RNF43: variants seen among roughly 807,000 people sequenced by gnomAD.
RNF43 encodes the protein ring finger protein 43.
RNF43 carries 37 observed loss-of-function variants against 78.4 expected under a neutral mutation model. The observed-to-expected ratio is 0.47, with a 90% CI of 0.36 to 0.62. The LOEUF (loss-of-function observed/expected upper bound fraction) is 0.62. RNF43 is among the 20% of genes least tolerant of loss of function. The pLI, the probability that RNF43 is intolerant of heterozygous loss-of-function variation, is 0.00. For missense variants in RNF43, 774 were observed against 1,007.9 expected (o/e 0.77, Z 3.14); for synonymous variants, 347 against 395.0 (o/e 0.88, Z 1.44).
chr17:58,387,054 T>C (rs937848478), intron 2 of RNF43, among the ~76,000 whole-genome samples: 1 of 152,216 alleles, frequency 6.6e-6, no homozygotes, highest in African/African-American at 2.4e-5. Flanking sequence ...GCTAAATTAA[T>C]GTTGAAAACG....
rs571370129 is a variant in RNF43, at chr17:58,406,081, G to A, written c.252+9245C>T. Among the ~76,000 whole-genome samples the A allele has an allele frequency of 3.5e-4, 54 of 152,218 alleles. 1 individual carries two copies. The highest frequency in any genetic ancestry group is 6.9e-4 in the Non-Finnish European group (47 of 68,044). On this transcript the variant is annotated intron_variant, in intron 2 of 9. Transcript: ENST00000407977. The stretch of plus-strand genomic sequence containing the variant: ...CCACCTGATGTGCAGTGATTCTGTG[G>A]CAGAATAAATGACACATGCACCACG...
At chr17:58,369,476 G>A (rs1297127671) in intron 3 of RNF43, among the ~76,000 whole-genome samples, 1 of 152,218 alleles carries the variant, frequency 6.6e-6, no homozygotes, top group Non-Finnish European at 1.5e-5. Context: ...ATATCCACAA[G>A]GGATCTGGGC....
At chr17:58,377,044 CCTTAA>C (rs5821226) in intron 2 of RNF43, among the ~76,000 whole-genome samples, 58,315 of 151,556 alleles carry the variant, frequency 0.38, 11,621 homozygotes, top group East Asian at 0.59. Context: ...CCTGTGTCCT[CCTTAA>C]CTTATTTGTT....
intron 2 of RNF43, among the ~76,000 whole-genome samples, chr17:58,393,105 A>C (rs1973594391): frequency 6.6e-6 from 1 of 152,236 alleles, no homozygotes; most frequent in Non-Finnish European, 1.5e-5. Flanking sequence ...TCACTTAATG[A>C]ATAGTAAATA....
chr17:58,362,965 T>C (rs1183315245), intron 5 of RNF43, among the ~76,000 whole-genome samples: 1 of 152,166 alleles, frequency 6.6e-6, no homozygotes, highest in African/African-American at 2.4e-5. Context: ...TCTTGGCCAG[T>C]AGAGAAGCCC....
rs756922792 is a variant in RNF43 at position 58,357,690 on chromosome 17, C to T, written c.2086G>A (p.Ala696Thr). The part of the protein sequence containing the change: ...PSVAYPWSPE[A>T]HPLICGPPGL... ...GGAGGTCCACAGATCAAGGGGTGTG[C>T]CTCTGGGGACCAAGGATATGCCACA... Residue 696 changes from alanine (A) to threonine (T), a missense_variant, in exon 9 of 10, where the codon GCA (alanine) becomes ACA (threonine). Transcript: ENST00000407977. The surrounding 1 kb of genome is among the most constrained non-coding windows in gnomAD (Gnocchi z 4.5). 4 of 1,611,510 alleles carry T rather than the reference C, an allele frequency of 2.5e-6. No homozygotes were observed. Among genetic ancestry groups the T allele is most frequent in the Non-Finnish European group, 3.4e-6 (4 of 1,178,668 alleles).
chr17:58,377,819 G>A (rs1478469222), intron 2 of RNF43, among the ~76,000 whole-genome samples: 1 of 151,962 alleles, frequency 6.6e-6, no homozygotes, highest in Admixed American at 6.6e-5. Flanking sequence ...CAAGAACATT[G>A]GCCAGGCATC....
intron 9 of RNF43, among the ~76,000 whole-genome samples, chr17:58,356,639 G>A (rs1972689188): frequency 6.6e-6 from 1 of 152,150 alleles, no homozygotes; most frequent in African/African-American, 2.4e-5. Flanking sequence ...CCACAGGGCT[G>A]CTGGGAACCA....
At chr17:58,381,626 A>G (rs1270969025) in intron 2 of RNF43, among the ~76,000 whole-genome samples, 1 of 152,208 alleles carries the variant, frequency 6.6e-6, no homozygotes, top group African/African-American at 2.4e-5. Flanking sequence ...TGGTGCCTGT[A>G]TATCTCAGCA....
chr17:58,365,020 C>T (rs1047129370), intron 3 of RNF43, among the ~76,000 whole-genome samples: 2 of 152,194 alleles, frequency 1.3e-5, no homozygotes, highest in African/African-American at 4.8e-5. Flanking sequence ...TTTCCTTCCT[C>T]CCCCAGGAGC....
chr17:58,358,832 A>G lies in RNF43; in HGVS notation c.953-9T>C. 3 of 1,483,214 alleles carry G rather than the reference A, an allele frequency of 2.0e-6. No individual in the cohort carries two copies. Among genetic ancestry groups the G allele is most frequent in the Non-Finnish European group, 2.7e-6 (3 of 1,120,798 alleles). 91.9% of individuals were successfully genotyped at this position (1,483,214 alleles called of 1,614,324 possible). On this transcript the variant is annotated splice_polypyrimidine_tract_variant and intron_variant, in intron 8 of 9. Transcript: ENST00000407977. This position sits in a 1 kb window ranked among gnomAD's most constrained non-coding sequence, Gnocchi z 6.2. ...GGAAAATGAATCTCCCTCTGGAAAA[A>G]AGAACCAAGAGCACAGATGTTTAAC...
At chr17:58,408,361 C>A (rs1973956375) in intron 2 of RNF43, among the ~76,000 whole-genome samples, 1 of 152,118 alleles carries the variant, frequency 6.6e-6, no homozygotes, top group Non-Finnish European at 1.5e-5. Flanking sequence ...CTGTGGCACA[C>A]ACAAACAAGA....
chr17:58,367,938 A>C (rs1207558201), intron 3 of RNF43, among the ~76,000 whole-genome samples: 1 of 152,212 alleles, frequency 6.6e-6, no homozygotes, highest in Non-Finnish European at 1.5e-5. Flanking sequence ...TTCCATCTGT[A>C]CTGTCTCATT....
At chr17:58,409,135 T>G (rs1181778595) in intron 2 of RNF43, among the ~76,000 whole-genome samples, 1 of 152,228 alleles carries the variant, frequency 6.6e-6, no homozygotes, top group African/African-American at 2.4e-5. Flanking sequence ...TACTCTCCTA[T>G]CTCCTGCAAA....
chr17:58,416,061 T>C (rs1227856383), intron 1 of RNF43, 99 bp from the exon 2 acceptor site: 2 of 186,548 alleles, frequency 1.1e-5, no homozygotes, highest in African/African-American at 2.4e-5. Context: ...AAGGAAGGGA[T>C]GGCCCTTTTT....
chr17:58,391,335 T>C (rs1462943887), intron 2 of RNF43, among the ~76,000 whole-genome samples: 1 of 152,162 alleles, frequency 6.6e-6, no homozygotes, highest in Non-Finnish European at 1.5e-5. Flanking sequence ...ACTACCCCCA[T>C]TCCACACCGC....
chr17:58,388,060 T>G (rs1973474170), intron 2 of RNF43, among the ~76,000 whole-genome samples: 2 of 152,082 alleles, frequency 1.3e-5, no homozygotes, highest in Admixed American at 6.5e-5. Flanking sequence ...TTTCCTTTGC[T>G]TCTTCTTAAT....
intron 2 of RNF43, among the ~76,000 whole-genome samples, chr17:58,404,290 G>A (rs775126028): frequency 6.6e-6 from 1 of 152,156 alleles, no homozygotes; most frequent in African/African-American, 2.4e-5. Flanking sequence ...TTTAATATAT[G>A]AAATCTATTT....
intron 2 of RNF43, among the ~76,000 whole-genome samples, chr17:58,382,749 C>A (rs557012638): frequency 5.3e-5 from 8 of 152,220 alleles, no homozygotes; most frequent in Non-Finnish European, 8.8e-5. Context: ...TGCCTGTAGG[C>A]TACAGCAGTG....
Sources: gnomAD v4.1 joint callset for allele counts (sites outside exome capture counted in the v4.1 genomes callset) on GRCh38, gnomAD v4.1.1 for gene constraint, Gnocchi (gnomAD v3.1) non-coding constraint, MANE v1.5 for transcripts, NCBI Gene and HGNC (gene_info 2026-07-23, HGNC 2026-07-21) for gene names.